Variants in ATP7B observed in about 807,000 individuals in gnomAD.
ATP7B encodes the protein copper-transporting ATPase 2.
Under a neutral mutation model 118.9 loss-of-function variants are expected in ATP7B, and 113 were observed. The ratio of observed to expected loss-of-function variants is 0.95; its 90% confidence interval spans 0.82 to 1.11. The LOEUF is 1.11. Ranked by LOEUF, ATP7B falls within the 50% of genes most tolerant of loss-of-function variation. The pLI is 0.00. For missense variants in ATP7B, 1,867 were observed against 1,871.4 expected (o/e 1.00, Z 0.04); for synonymous variants, 777 against 727.4 (o/e 1.07, Z -1.10).
At chr13:51,960,105 C>A in intron 7 of ATP7B, 43 bp downstream of exon 7, 1 of 1,594,300 alleles carries the variant, frequency 6.3e-7, no homozygotes, top group South Asian at 1.1e-5. Flanking sequence ...GAGGGCCACA[C>A]ACAGCATGGA....
At chr13:51,989,432 G>A (rs1355857129) in intron 1 of ATP7B, among the ~76,000 whole-genome samples, 1 of 151,874 alleles carries the variant, frequency 6.6e-6, no homozygotes, top group African/African-American at 2.4e-5. Flanking sequence ...GTAATTCTGT[G>A]CAAATGACTA....
intron 9 of ATP7B, among the ~76,000 whole-genome samples, chr13:51,954,828 G>A (rs754610): frequency 0.37 from 55,959 of 152,102 alleles, 11,634 homozygotes; most frequent in Non-Finnish European, 0.48. Context: ...GGATCTAGAC[G>A]TAGGTTTGAG....
intron 1 of ATP7B, among the ~76,000 whole-genome samples, chr13:51,995,866 C>T (rs888490978): frequency 7.2e-5 from 11 of 152,302 alleles, no homozygotes; most frequent in African/African-American, 2.6e-4. Flanking sequence ...CCCATGCACA[C>T]CCTCACCCAG....
rs193922111 is a variant in ATP7B at position 51,974,374 on chromosome 13, GA to G, written c.845del (p.Leu282ProfsTer2). 6 of 1,613,934 alleles carry G rather than the reference GA, an allele frequency of 3.7e-6. No homozygotes were observed. The highest frequency in any genetic ancestry group is 3.3e-4 in the Middle Eastern group (2 of 6,062). On this transcript the variant is annotated frameshift_variant, in exon 2 of 21. Coordinates refer to ENST00000242839, the MANE Select transcript of ATP7B (RefSeq NM_000053.4). LOFTEE classifies it high-confidence loss of function. Reference sequence around the variant, plus strand: ...ACACTTGAATACTTTGAACCCCTAGGAGCTGGCCAATATTTTCTTCAATATT... The same window carrying G: ...ACACTTGAATACTTTGAACCCCTAGGGCTGGCCAATATTTTCTTCAATATT... The part of the protein sequence containing the change: ...VLNIEENIGQ[L>X]LGVQSIQVSL...
rs115420019 is a variant in ATP7B at position 51,934,566 on chromosome 13, G to T, written c.*190C>A. On this transcript the variant is annotated 3_prime_UTR_variant, in exon 21 of 21. Coordinates refer to ENST00000242839, the MANE Select transcript of ATP7B (RefSeq NM_000053.4). ...GTGAGGCCAAGAGGCAGGCAGGGCC[G>T]TCCTCTCCAGGCCAAGCCCAGCTGC... 8,060 of 897,720 alleles carry T rather than the reference G, an allele frequency of 9.0e-3. 385 individuals carry two copies. The African/African-American group carries it at 0.11, about 12-fold the overall frequency. 55.6% of individuals were successfully genotyped at this position (897,720 alleles called of 1,614,324 possible).
chr13:51,946,907 A>T (rs1186611499), intron 12 of ATP7B, among the ~76,000 whole-genome samples: 2 of 152,266 alleles, frequency 1.3e-5, no homozygotes, highest in Admixed American at 6.5e-5. Flanking sequence ...TAGGAGCGGC[A>T]TTTAAGAAAC....
intron 1 of ATP7B, among the ~76,000 whole-genome samples, chr13:51,986,326 A>G: frequency 6.6e-6 from 1 of 152,244 alleles, no homozygotes; most frequent in East Asian, 1.9e-4. Context: ...AGAAATGGAT[A>G]AATTCCTGGA....
At chr13:51,954,953 A>T (rs1958242139) in intron 9 of ATP7B, among the ~76,000 whole-genome samples, 1 of 152,216 alleles carries the variant, frequency 6.6e-6, no homozygotes, top group Non-Finnish European at 1.5e-5. Context: ...ACCATCCACA[A>T]GGAAAAAGGA....
chr13:51,944,296 C>T lies in ATP7B; in HGVS notation c.3061-5G>A. On this transcript the variant is annotated splice_region_variant and splice_polypyrimidine_tract_variant and intron_variant, in intron 13 of 20. Coordinates refer to ENST00000242839, the MANE Select transcript of ATP7B (RefSeq NM_000053.4). ...GTCAAACATCACAGTCTTTATCTGC[C>T]AAAAACAACCACAACTCACTGACCA... 6.2e-7 allele frequency: 1 copy of T among 1,613,692 alleles called. No homozygotes were observed. Among genetic ancestry groups the T allele is most frequent in the Non-Finnish European group, 8.5e-7 (1 of 1,179,962 alleles).
intron 1 of ATP7B, among the ~76,000 whole-genome samples, chr13:51,985,465 G>T (rs1336158601): frequency 6.6e-6 from 1 of 152,116 alleles, no homozygotes; most frequent in Non-Finnish European, 1.5e-5. Context: ...CACAGTAATA[G>T]TGGGAGACTT....
chr13:51,965,125 G>A, intron 4 of ATP7B, 92 bp from the exon 5 acceptor site: 1 of 1,529,426 alleles, frequency 6.5e-7, no homozygotes, highest in South Asian at 1.1e-5. Context: ...AGGCAGCCAA[G>A]AGCCTTTCCC....
intron 1 of ATP7B, among the ~76,000 whole-genome samples, chr13:51,986,992 C>T (rs1952681551): frequency 6.6e-6 from 1 of 152,162 alleles, no homozygotes; most frequent in South Asian, 2.1e-4. Flanking sequence ...GGAAGCACTC[C>T]TTTTGAAAAC....
chr13:51,958,082 A>G (rs1202084291), intron 8 of ATP7B: 5 of 586,754 alleles, frequency 8.5e-6, no homozygotes, highest in Admixed American at 3.0e-5. Flanking sequence ...AGTTTACACA[A>G]TACACCTGAA....
chr13:51,933,158 G>A lies in ATP7B; in HGVS notation c.*1598C>T, dbSNP rs1956790730. 1 of 152,200 alleles carries A rather than the reference G, an allele frequency of 6.6e-6. No individual in the cohort carries two copies. The highest frequency in any genetic ancestry group is 1.5e-5 in the Non-Finnish European group (1 of 68,030). The allele number at this position is 152,200 out of a possible 1,614,324, so 9.4% of individuals were successfully genotyped here. On this transcript the variant is annotated 3_prime_UTR_variant, in exon 21 of 21. Coordinates refer to ENST00000242839, the MANE Select transcript of ATP7B (RefSeq NM_000053.4). ...ATCACCTGGTAGATTTGTTCTTCCAGGAGGCAAGGACCTTTTCCTCGTTTA... is the reference window on the plus strand; with the variant it reads ...ATCACCTGGTAGATTTGTTCTTCCAAGAGGCAAGGACCTTTTCCTCGTTTA...
Position 51,935,003 on chromosome 13 carries a change from T to C in ATP7B, c.4151A>G (p.Tyr1384Cys), listed in dbSNP as rs960533033. ...CATGTGGCCATGCGCCTGTGCCTCA[T>C]ACCTCTCCAGGTCAGGCTTCTTATA... ...KCYKKPDLERYEAQAHGHMKP... is the reference protein window; with the variant it reads ...KCYKKPDLERCEAQAHGHMKP... Residue 1384 changes from tyrosine (Y) to cysteine (C), a missense_variant, in exon 21 of 21, where the codon TAT becomes TGT. Tyr to Cys is a radical substitution (Grantham distance 194). Transcript: ENST00000242839. The C allele has an allele frequency of 1.9e-6, 3 of 1,613,884 alleles. No individual in the cohort carries two copies. The highest frequency in any genetic ancestry group is 2.2e-5 in the South Asian group (2 of 91,086).
Position 51,958,463 on chromosome 13 carries a change from G to C in ATP7B, c.2203C>G (p.Leu735Val). 2 of 1,614,240 alleles carry C rather than the reference G, an allele frequency of 1.2e-6. No homozygotes were observed. The highest frequency in any genetic ancestry group is 1.7e-6 in the Non-Finnish European group (2 of 1,180,044). The change falls in exon 8 of 21, where the codon CTG becomes GTG. Residue 735 changes from leucine (L) to valine (V), a missense_variant. Coordinates refer to ENST00000242839, the MANE Select transcript of ATP7B (RefSeq NM_000053.4). ...TAAACATAAGCAATGCTTGTGGCCA[G>C]GACGATGAGCACGTCCATGTTGGCT... ...RSANMDVLIV[L>V]ATSIAYVYSL... is the part of the protein sequence containing the mutation.
At chr13:51,955,957 T>C (rs1958317876) in intron 9 of ATP7B, among the ~76,000 whole-genome samples, 1 of 152,108 alleles carries the variant, frequency 6.6e-6, no homozygotes, top group Non-Finnish European at 1.5e-5. Flanking sequence ...CTGCCTGCCA[T>C]GGACTCTGGG....
chr13:51,987,775 C>T (rs946087612), intron 1 of ATP7B, among the ~76,000 whole-genome samples: 2 of 152,224 alleles, frequency 1.3e-5, no homozygotes, highest in East Asian at 1.9e-4. Flanking sequence ...TACAACCATC[C>T]GATCTTTGAC....
intron 1 of ATP7B, among the ~76,000 whole-genome samples, chr13:51,989,895 T>G (rs1056851260): frequency 1.3e-5 from 2 of 152,146 alleles, no homozygotes; most frequent in Admixed American, 6.5e-5. Flanking sequence ...TATTTATTTT[T>G]TTTACTCTGT....
Sources: allele counts gnomAD v4.1 joint callset (sites outside exome capture counted in the v4.1 genomes callset), GRCh38; gene constraint gnomAD v4.1.1; transcripts MANE v1.5; gene names NCBI Gene and HGNC (gene_info 2026-07-23, HGNC 2026-07-21).